ZCCHC7: variants seen among roughly 807,000 people sequenced by gnomAD.
The protein encoded by ZCCHC7 is zinc finger CCHC domain-containing protein 7.
A neutral mutation model predicts 52.0 loss-of-function variants in ZCCHC7; 35 were observed. The ratio of observed to expected loss-of-function variants is 0.67; its 90% CI spans 0.51 to 0.89. ZCCHC7 has a LOEUF of 0.89. Ranked by LOEUF, ZCCHC7 falls within the 40% of genes least tolerant of loss-of-function variation. ZCCHC7 has a pLI of 0.00. For synonymous variants in ZCCHC7, 217 were observed against 221.5 expected (o/e 0.98, Z 0.18); for missense variants, 574 against 649.1 (o/e 0.88, Z 1.26).
At chr9:37,162,188 T>C (rs1291095849) in intron 2 of ZCCHC7, among the ~76,000 whole-genome samples, 12 of 152,066 alleles carry the variant, frequency 7.9e-5, no homozygotes, top group Non-Finnish European at 1.3e-4. Flanking sequence ...TATATACTTA[T>C]ATACTACATA....
chr9:37,259,338 A>G (rs573568504), intron 2 of ZCCHC7, among the ~76,000 whole-genome samples: 1 of 152,344 alleles, frequency 6.6e-6, no homozygotes, highest in Admixed American at 6.5e-5. Flanking sequence ...ATAATACCTT[A>G]TCACTGTGAA....
At chr9:37,252,333 A>G (rs1826367775) in intron 2 of ZCCHC7, among the ~76,000 whole-genome samples, 1 of 152,172 alleles carries the variant, frequency 6.6e-6, no homozygotes. Flanking sequence ...TATTTATGAA[A>G]TCTATCTTCA....
chr9:37,201,717 G>A (rs760430338), intron 2 of ZCCHC7, among the ~76,000 whole-genome samples: 6 of 152,166 alleles, frequency 3.9e-5, no homozygotes, highest in South Asian at 2.1e-4. Flanking sequence ...CATTGCAGAG[G>A]CACTAGCAAA....
chr9:37,191,274 A>G (rs941204898), intron 2 of ZCCHC7, among the ~76,000 whole-genome samples: 25 of 151,888 alleles, frequency 1.6e-4, no homozygotes, highest in Non-Finnish European at 2.9e-5. Context: ...TCTAATAACC[A>G]TTTTCTAGGA....
intron 2 of ZCCHC7, among the ~76,000 whole-genome samples, chr9:37,293,219 G>A (rs2133641592): frequency 6.6e-6 from 1 of 152,208 alleles, no homozygotes; most frequent in Admixed American, 6.5e-5. Flanking sequence ...AGGTCTGGAG[G>A]AAGATGTGAA....
intron 5 of ZCCHC7, among the ~76,000 whole-genome samples, chr9:37,313,217 C>T (rs529698428): frequency 1.4e-4 from 22 of 152,140 alleles, no homozygotes; most frequent in Non-Finnish European, 2.9e-4. Flanking sequence ...GGGCAGGCTG[C>T]AATTGATTGA....
At chr9:37,312,357 A>G (rs964927296) in intron 5 of ZCCHC7, among the ~76,000 whole-genome samples, 3 of 152,258 alleles carry the variant, frequency 2.0e-5, no homozygotes. Flanking sequence ...ACTAGGGGAA[A>G]AAAAGATGAA....
At chr9:37,198,911 GTGTT>G (rs1823437551) in intron 2 of ZCCHC7, among the ~76,000 whole-genome samples, 1 of 152,314 alleles carries the variant, frequency 6.6e-6, no homozygotes, top group African/African-American at 2.4e-5. Flanking sequence ...GACCCTTGGT[GTGTT>G]TGTCATATTT....
In ZCCHC7 at chr9:37,267,401, G is replaced by T. The variant is rs561494681; in HGVS notation, c.611-34787G>T. ...ATCTCTGTCTCCCATTTGGTGGTGG[G>T]GGGGAGACAGGGGAGAAGAACAGGG... is the stretch of plus-strand genomic sequence containing the variant. On this transcript the variant is annotated intron_variant, in intron 2 of 8. Coordinates refer to ENST00000336755, the MANE Select transcript of ZCCHC7 (RefSeq NM_032226.3). Among the ~76,000 whole-genome samples, 16 of 151,856 alleles carry T rather than the reference G, an allele frequency of 1.1e-4. No homozygotes were observed. The South Asian group carries it at 2.3e-3, about 22-fold the overall frequency.
At chr9:37,217,658 G>C (rs1251627792) in intron 2 of ZCCHC7, among the ~76,000 whole-genome samples, 1 of 151,980 alleles carries the variant, frequency 6.6e-6, no homozygotes, top group Non-Finnish European at 1.5e-5. Context: ...TAATAATATT[G>C]TGTCCATGCT....
chr9:37,174,437 A>G (rs1255822202), intron 2 of ZCCHC7, among the ~76,000 whole-genome samples: 1 of 152,208 alleles, frequency 6.6e-6, no homozygotes, highest in Non-Finnish European at 1.5e-5. Context: ...TCCAGGAAAA[A>G]TGGAGTAATT....
At chr9:37,294,902 G>A (rs188337957) in intron 2 of ZCCHC7, among the ~76,000 whole-genome samples, 107 of 152,196 alleles carry the variant, frequency 7.0e-4, no homozygotes, top group African/African-American at 2.3e-3. Context: ...TGAAAATATA[G>A]ATAAGATGCT....
At chr9:37,120,284 C>T (rs747465391), upstream of ZCCHC7, among the ~76,000 whole-genome samples, 5 of 152,206 alleles carry the variant, frequency 3.3e-5, no homozygotes, top group Non-Finnish European at 7.3e-5. Context: ...CCGGCTTTTG[C>T]CCGGTAAATA....
chr9:37,215,346 G>A (rs1824448448), intron 2 of ZCCHC7, among the ~76,000 whole-genome samples: 1 of 152,074 alleles, frequency 6.6e-6, no homozygotes, highest in South Asian at 2.1e-4. Flanking sequence ...AGTGAATGAA[G>A]GCTAATTACC....
chr9:37,355,923 A>G (rs1025777372), intron 8 of ZCCHC7, among the ~76,000 whole-genome samples: 35 of 152,228 alleles, frequency 2.3e-4, no homozygotes, highest in African/African-American at 7.5e-4. Context: ...CTCTAGATTA[A>G]AGGATTATAT....
At chr9:37,340,516 A>T (rs1442160652) in intron 6 of ZCCHC7, among the ~76,000 whole-genome samples, 1 of 152,172 alleles carries the variant, frequency 6.6e-6, no homozygotes, top group Non-Finnish European at 1.5e-5. Flanking sequence ...GTTCACAAAA[A>T]CTACATTCAT....
chr9:37,278,144 C>CTGT, intron 2 of ZCCHC7, among the ~76,000 whole-genome samples: 1 of 151,780 alleles, frequency 6.6e-6, no homozygotes, highest in Non-Finnish European at 1.5e-5. Context: ...ACTGCAGCCT[C>CTGT]GAGCTCCTAG....
chr9:37,334,937 C>A (rs1830587436), intron 6 of ZCCHC7, among the ~76,000 whole-genome samples: 1 of 151,996 alleles, frequency 6.6e-6, no homozygotes, highest in South Asian at 2.1e-4. Flanking sequence ...TTTTTATTAG[C>A]TTTGTAAAAG....
intron 2 of ZCCHC7, among the ~76,000 whole-genome samples, chr9:37,248,698 T>A (rs547755665): frequency 6.6e-6 from 1 of 152,318 alleles, no homozygotes; most frequent in South Asian, 2.1e-4. Context: ...ATGAAATTGA[T>A]AAGCATGTCA....
Sources: gnomAD v4.1 joint callset for allele counts (sites outside exome capture counted in the v4.1 genomes callset) on GRCh38, gnomAD v4.1.1 for gene constraint, MANE v1.5 for transcripts, NCBI Gene and HGNC (gene_info 2026-07-23, HGNC 2026-07-21) for gene names.